Variants in ADAMTS2 observed in about 807,000 individuals in gnomAD.
ADAMTS2 encodes A disintegrin and metalloproteinase with thrombospondin motifs 2.
A neutral mutation model predicts 123.0 loss-of-function variants in ADAMTS2; 50 were observed. That is an observed-to-expected ratio of 0.41 (90% CI 0.32 to 0.51). The LOEUF (loss-of-function observed/expected upper bound fraction) is 0.51. Ranked by LOEUF, ADAMTS2 falls within the 20% of genes least tolerant of loss-of-function variation. The pLI, the probability that ADAMTS2 is intolerant of heterozygous loss-of-function variation, is 0.35. For synonymous variants in ADAMTS2, 678 were observed against 695.4 expected, an observed-to-expected ratio of 0.98 and a Z score of 0.39; for missense variants, 1,494 against 1,705.2, an observed-to-expected ratio of 0.88 and a Z score of 2.18.
chr5:179,162,558 T>C lies in ADAMTS2; in HGVS notation c.976-3679A>G, dbSNP rs1008407208. On this transcript the variant is annotated intron_variant, in intron 5 of 21. Coordinates refer to ENST00000251582, the MANE Select transcript of ADAMTS2 (RefSeq NM_014244.5). The surrounding 1 kb of genome is among the most constrained non-coding windows in gnomAD (Gnocchi z 5.1). ...CTGAGCTGTTGCACACCATACCGTA[T>C]GGGCCCCTCCTGGGGCCGTCACCCA... Among the ~76,000 whole-genome samples the C allele has an allele frequency of 6.6e-6, 1 of 152,182 alleles. No homozygotes were observed. The highest frequency in any genetic ancestry group is 1.9e-4 in the East Asian group (1 of 5,182).
At chr5:179,165,446 G>T (rs1339462553) in intron 5 of ADAMTS2, among the ~76,000 whole-genome samples, 3 of 152,172 alleles carry the variant, frequency 2.0e-5, no homozygotes, top group Admixed American at 2.0e-4. Context: ...CTGACTTCCA[G>T]CTGCCTGCTC....
intron 10 of ADAMTS2, among the ~76,000 whole-genome samples, 177 bp downstream of exon 10, chr5:179,151,965 G>A (rs1435516698): frequency 1.3e-5 from 2 of 152,276 alleles, no homozygotes; most frequent in African/African-American, 4.8e-5. Flanking sequence ...GCACAGGGTG[G>A]AGGCAGCTCC....
chr5:179,224,347 A>G (rs1765222919), intron 3 of ADAMTS2, among the ~76,000 whole-genome samples: 1 of 152,126 alleles, frequency 6.6e-6, no homozygotes, highest in Non-Finnish European at 1.5e-5. Context: ...CACCACAGCA[A>G]TTCTCACTCG....
At chr5:179,293,611 T>TTTTG (rs3084668) in intron 2 of ADAMTS2, among the ~76,000 whole-genome samples, 90,347 of 151,046 alleles carry the variant, frequency 0.6, 27,408 homozygotes, top group Non-Finnish European at 0.62. Context: ...CAGGGTAGGG[T>TTTTG]TTTGTTTGTT....
In ADAMTS2 at chr5:179,132,254, C is replaced by T. The variant is rs780757881; in HGVS notation, c.2266G>A (p.Val756Ile). Residue 756 changes from valine (V) to isoleucine (I), a missense_variant, in exon 15 of 22, where the codon GTA becomes ATA. Val to Ile is a conservative substitution (Grantham distance 29). Transcript: ENST00000251582. The surrounding 1 kb of genome is among the most constrained non-coding windows in gnomAD (Gnocchi z 6.1). Reference protein sequence around the residue: ...AGARHLLIQEVDATSHHLAVK... With the variant: ...AGARHLLIQEIDATSHHLAVK... ...CCCAGATGGTGGCTGGTGGCGTCTA[C>T]CTCCTGAATGAGCAGGTGTCTGGCT... 3.1e-6 allele frequency: 5 copies of T among 1,614,186 alleles called. No homozygotes were observed. The highest frequency in any genetic ancestry group is 1.7e-4 in the Middle Eastern group (1 of 6,042).
intron 3 of ADAMTS2, among the ~76,000 whole-genome samples, chr5:179,267,302 G>A (rs1766400825): frequency 6.6e-6 from 1 of 152,252 alleles, no homozygotes; most frequent in Non-Finnish European, 1.5e-5. Context: ...GCTGCCCAGT[G>A]CCGGCGCTTG....
intron 3 of ADAMTS2, among the ~76,000 whole-genome samples, chr5:179,264,989 G>A (rs388196): frequency 0.078 from 8,764 of 112,946 alleles, 346 homozygotes; most frequent in East Asian, 0.16. Context: ...TGCCGGGCGG[G>A]GCTGAGCACA....
chr5:179,209,318 G>A (rs1764794836), intron 3 of ADAMTS2, among the ~76,000 whole-genome samples: 1 of 152,234 alleles, frequency 6.6e-6, no homozygotes, highest in South Asian at 2.1e-4. Flanking sequence ...GACTGAACAT[G>A]AAGTTTCAGG....
chr5:179,272,937 A>G lies in ADAMTS2; in HGVS notation c.662T>C (p.Leu221Pro). Reference sequence around the variant, plus strand: ...TGTGTCCAGGGCCTGTGGCCCCCCGAGAGGAGGGGACGTGGGTGGCCGGCG... The same window carrying G: ...TGTGTCCAGGGCCTGTGGCCCCCCGGGAGGAGGGGACGTGGGTGGCCGGCG... Reference protein sequence around the residue: ...VYRRPPTSPPLGGPQALDTGA... With the variant: ...VYRRPPTSPPPGGPQALDTGA... Residue 221 changes from leucine (L) to proline (P), a missense_variant, in exon 3 of 22, where the codon CTC becomes CCC. This residue lies in a region of ADAMTS2 where 184 missense variants were observed against 152.1 expected (regional missense o/e 1.21). Coordinates refer to ENST00000251582, the MANE Select transcript of ADAMTS2 (RefSeq NM_014244.5). This position sits in a 1 kb window ranked among gnomAD's most constrained non-coding sequence, Gnocchi z 5.8. 2 of 1,610,978 alleles carry G rather than the reference A, an allele frequency of 1.2e-6. No homozygotes were observed. Among genetic ancestry groups the G allele is most frequent in the Non-Finnish European group, 1.7e-6 (2 of 1,179,888 alleles).
At chr5:179,191,198 C>T (rs1235742855) in intron 4 of ADAMTS2, among the ~76,000 whole-genome samples, 1 of 152,216 alleles carries the variant, frequency 6.6e-6, no homozygotes, top group Non-Finnish European at 1.5e-5. Context: ...AGGGAAAGGC[C>T]GAGAAAAGTC....
chr5:179,280,727 T>C lies in ADAMTS2; in HGVS notation c.535-7663A>G, dbSNP rs140782900. Reference sequence around the variant, plus strand: ...CCTACACCGCTGCCCTTCTCTCTTGTTATAGAGGTCAGTAAGTAGCAGAGA... The same window carrying C: ...CCTACACCGCTGCCCTTCTCTCTTGCTATAGAGGTCAGTAAGTAGCAGAGA... On this transcript the variant is annotated intron_variant, in intron 2 of 21. Coordinates refer to ENST00000251582, the MANE Select transcript of ADAMTS2 (RefSeq NM_014244.5). Among the ~76,000 whole-genome samples, 30 of 152,264 alleles carry C rather than the reference T, an allele frequency of 2.0e-4. No homozygotes were observed. In the East Asian group the frequency reaches 5.2e-3, roughly 26 times the overall value.
chr5:179,277,176 AAGCCTCC>A (rs1325159127), intron 2 of ADAMTS2, among the ~76,000 whole-genome samples: 11 of 152,124 alleles, frequency 7.2e-5, no homozygotes, highest in Non-Finnish European at 1.3e-4. Flanking sequence ...ACACAGCCAG[AAGCCTCC>A]AAGCGGTGGC....
At chr5:179,166,903 C>T (rs920360016) in intron 5 of ADAMTS2, among the ~76,000 whole-genome samples, 9 of 152,216 alleles carry the variant, frequency 5.9e-5, no homozygotes, top group Non-Finnish European at 1.3e-4. Flanking sequence ...GATGAGGCAG[C>T]GAACGCGGCC....
At position 179,345,252 on chromosome 5, in the gene ADAMTS2, G is replaced by GGCGGCGGCGGCGGCAGGA; in HGVS notation, c.76_77insTCCTGCCGCCGCCGCCGC (p.Pro25_Pro26insLeuLeuProProProPro). The GGCGGCGGCGGCGGCAGGA allele has an allele frequency of 1.7e-6, 2 of 1,143,606 alleles. No individual in the cohort carries two copies. Among genetic ancestry groups the GGCGGCGGCGGCGGCAGGA allele is most frequent in the Non-Finnish European group, 1.1e-6 (1 of 938,112 alleles). 70.8% of individuals were successfully genotyped at this position (1,143,606 alleles called of 1,614,324 possible). A position where few individuals can be genotyped will look rare whatever the true frequency, so the allele number is the denominator to read the frequency against. On this transcript the variant is annotated inframe_insertion, in exon 1 of 22. Transcript: ENST00000251582. The surrounding 1 kb of genome is among the most constrained non-coding windows in gnomAD (Gnocchi z 7.5). The stretch of plus-strand genomic sequence containing the variant: ...GGGCGGCGGCGGCGGCGGCAGGAGC[G>GGCGGCGGCGGCGGCAGGA]GCGGCGGCAGCAGCAGCAGCAGCAG...
At chr5:179,217,744 G>A (rs55637199) in intron 3 of ADAMTS2, among the ~76,000 whole-genome samples, 5 of 109,610 alleles carry the variant, frequency 4.6e-5, no homozygotes, top group East Asian at 2.1e-4. Flanking sequence ...TGGCACACTT[G>A]CTAGGGGATG....
At chr5:179,205,317 T>C (rs1206014280) in intron 4 of ADAMTS2, among the ~76,000 whole-genome samples, 1 of 152,216 alleles carries the variant, frequency 6.6e-6, no homozygotes, top group Non-Finnish European at 1.5e-5. Flanking sequence ...ACAGTGCCAC[T>C]GTCATGATAA....
At chr5:179,154,991 C>A in intron 6 of ADAMTS2, 72 bp from the exon 7 acceptor site, 2 of 1,357,564 alleles carry the variant, frequency 1.5e-6, no homozygotes, top group Non-Finnish European at 2.1e-6. Flanking sequence ...GGCCTAACTC[C>A]CAGGCGCTGC....
intron 2 of ADAMTS2, among the ~76,000 whole-genome samples, chr5:179,296,437 T>G (rs148225402): frequency 1.3e-5 from 2 of 151,756 alleles, no homozygotes; most frequent in South Asian, 4.2e-4. Flanking sequence ...AATGTCGAAG[T>G]AGATCCTTCA....
intron 2 of ADAMTS2, among the ~76,000 whole-genome samples, chr5:179,292,336 AC>A (rs10682376): frequency 6.7e-6 from 1 of 148,994 alleles, no homozygotes; most frequent in East Asian, 2.0e-4. Context: ...CTTTGCTATT[AC>A]CCCCCAGCTG....
Sources: gnomAD v4.1 joint callset for allele counts (sites outside exome capture counted in the v4.1 genomes callset) on GRCh38, gnomAD v4.1.1 for gene constraint, gnomAD v4.1.1 regional missense constraint, Gnocchi (gnomAD v3.1) non-coding constraint, MANE v1.5 for transcripts, NCBI Gene and HGNC (gene_info 2026-07-23, HGNC 2026-07-21) for gene names.